The following TPSG1 variants were observed in gnomAD, a reference collection of about 807,000 sequenced individuals.
The protein encoded by TPSG1 is tryptase gamma 1.
Under a neutral mutation model 23.8 loss-of-function variants are expected in TPSG1, and 43 were observed. The ratio of observed to expected loss-of-function variants is 1.81; its 90% CI spans 1.42 to 2.33. TPSG1 has a LOEUF of 2.33. TPSG1 is among the 30% of genes most tolerant of loss of function. The pLI is 0.00. For missense variants in TPSG1, 623 were observed against 438.6 expected, an observed-to-expected ratio of 1.42 and a Z score of -3.75; for synonymous variants, 302 against 201.3, an observed-to-expected ratio of 1.50 and a Z score of -4.23.
chr16:1,224,524 A>C, intron 2 of TPSG1, 78 bp downstream of exon 2: 1 of 1,586,246 alleles, frequency 6.3e-7, no homozygotes, highest in Non-Finnish European at 8.6e-7. Flanking sequence ...GACCCCAGGG[A>C]AGGAGAGGGT....
At chr16:1,224,761 G>A (rs2030055963) in intron 1 of TPSG1, 133 bp from the exon 2 acceptor site, 1 of 1,088,474 alleles carries the variant, frequency 9.2e-7, no homozygotes, top group Non-Finnish European at 1.3e-6. Flanking sequence ...GCCCGGCCTG[G>A]TGAGGCTGGG....
chr16:1,224,951 G>A (rs1470454715), intron 1 of TPSG1, among the ~76,000 whole-genome samples: 9 of 134,828 alleles, frequency 6.7e-5, no homozygotes, highest in African/African-American at 1.1e-4. Flanking sequence ...ACTCCCACCC[G>A]CACCCCCAAC....
At position 1,222,484 on chromosome 16, in the gene TPSG1, G is replaced by T. The variant is rs868406923; in HGVS notation, c.512-143C>A. On this transcript the variant is annotated intron_variant, in intron 4 of 5. Transcript: ENST00000234798. ...GGTTGTGATCTGACGTTTGGCTGCT[G>T]CTTTGGATCCACACGACAGGCTTTG... The T allele has an allele frequency of 6.3e-6, 8 of 1,263,476 alleles. No individual in the cohort carries two copies. In the African/African-American group the frequency reaches 7.5e-5, roughly 12 times the overall value. The allele number at this position is 1,263,476 out of a possible 1,614,324, so 78.3% of individuals were successfully genotyped here. A position where few individuals can be genotyped will look rare whatever the true frequency, so the allele number is the denominator to read the frequency against.
At chr16:1,223,904 A>G in intron 2 of TPSG1, 1 of 413,580 alleles carries the variant, frequency 2.4e-6, no homozygotes, top group Non-Finnish European at 4.3e-6. Flanking sequence ...AGAACGGTGG[A>G]GCCCCCGAGA....
intron 2 of TPSG1, 27 bp from the exon 3 acceptor site, chr16:1,223,621 G>T (rs1644744905): frequency 6.5e-7 from 1 of 1,527,378 alleles, no homozygotes; most frequent in Non-Finnish European, 8.8e-7. Context: ...AGGGGTGCCT[G>T]GTGGGGATCC....
intron 1 of TPSG1, among the ~76,000 whole-genome samples, chr16:1,224,944 C>CCCACCCGCACCCCCAACTA: frequency 1.3e-5 from 2 of 151,398 alleles, no homozygotes; most frequent in African/African-American, 4.8e-5. Context: ...ACCCCCAACT[C>CCCACCCGCACCCCCAACTA]CCACCCGCAC....
intron 2 of TPSG1, chr16:1,223,976 G>A (rs549509607): frequency 3.9e-4 from 99 of 251,404 alleles, no homozygotes; most frequent in African/African-American, 2.1e-3. Context: ...GGGTGGTGGA[G>A]ATATTCGAAG....
chr16:1,222,038 G>A lies in TPSG1; in HGVS notation c.716C>T (p.Thr239Ile), dbSNP rs11248860. ...GCCGCAGCCCTCACCCCAGCTCACAGTGCCAGCCTGCACCCAGGCACCGTT... is the reference window on the plus strand; with the variant it reads ...GCCGCAGCCCTCACCCCAGCTCACAATGCCAGCCTGCACCCAGGCACCGTT... ...QVNGAWVQAG[T>I]VSWGEGCGRP... Residue 239 changes from threonine (T) to isoleucine (I), a missense_variant, in exon 6 of 6, where the codon ACT (threonine) becomes ATT (isoleucine). Physicochemically the swap from Thr to Ile is moderately conservative, Grantham distance 89. Coordinates refer to ENST00000234798, the MANE Select transcript of TPSG1 (RefSeq NM_012467.4). 1,241,922 of 1,612,582 alleles carry A rather than the reference G, an allele frequency of 0.77. 481,527 individuals carry two copies. Among genetic ancestry groups the A allele is most frequent in the East Asian group, 1 (44,799 of 44,848 alleles).
At position 1,222,655 on chromosome 16, in the gene TPSG1, C is replaced by G; in HGVS notation, c.508G>C (p.Gly170Arg). 1 of 1,547,144 alleles carries G rather than the reference C, an allele frequency of 6.5e-7. No individual in the cohort carries two copies. Among genetic ancestry groups the G allele is most frequent in the Non-Finnish European group, 8.8e-7 (1 of 1,141,480 alleles). ...CATCCCCACGGGGGCTCCTCACCTC[C>G]CTCCCGCGTATAGCCCCAGCCGGTC... is the stretch of plus-strand genomic sequence containing the variant. The part of the protein sequence containing the change: ...WVTGWGYTRE[G>R]EPLPPPYSLR... The change falls in exon 4 of 6, where the codon GGA becomes CGA. Residue 170 changes from glycine to arginine, a missense_variant. Transcript: ENST00000234798.
At position 1,222,683 on chromosome 16, in the gene TPSG1, C is replaced by T. The variant is rs774775922; in HGVS notation, c.480G>A (p.Trp160Ter). ...CCCGCGTATAGCCCCAGCCGGTCAC[C>T]CAGCACCGGATCCCAGGGCAGAAGT... The part of the protein sequence containing the change: ...SDDFCPGIRC[W>*]VTGWGYTREG... Residue 160 changes from tryptophan (W) to a stop codon, truncating the protein, a stop_gained, in exon 4 of 6, where the codon TGG becomes TGA. Transcript: ENST00000234798. LOFTEE classifies it high-confidence loss of function. 3.6e-5 allele frequency: 57 copies of T among 1,585,812 alleles called. No homozygotes were observed. The highest frequency in any genetic ancestry group is 5.4e-5 in the African/African-American group (4 of 74,482).
At chr16:1,222,542 G>A (rs1283702111) in intron 4 of TPSG1, 110 bp downstream of exon 4, 3 of 1,445,252 alleles carry the variant, frequency 2.1e-6, no homozygotes, top group Non-Finnish European at 2.8e-6. Context: ...GGCCTTGGCT[G>A]GGTGTGGAAG....
Position 1,224,589 on chromosome 16 carries a change from G to A in TPSG1, c.73+13C>T, listed in dbSNP as rs772053264. The A allele has an allele frequency of 6.2e-6, 10 of 1,613,828 alleles. No homozygotes were observed. Among genetic ancestry groups the A allele is most frequent in the Non-Finnish European group, 8.5e-6 (10 of 1,179,846 alleles). ...GCACCCTCCCCCACACCCCACACCT[G>A]TCAGAGACGTACCTGGCTGCAAAGT... On this transcript the variant is annotated intron_variant, in intron 2 of 5. Transcript: ENST00000234798.
In TPSG1 at chr16:1,221,954, C is replaced by A; in HGVS notation, c.800G>T (p.Arg267Leu). 2 of 1,611,774 alleles carry A rather than the reference C, an allele frequency of 1.2e-6. No individual in the cohort carries two copies. The highest frequency in any genetic ancestry group is 1.7e-6 in the Non-Finnish European group (2 of 1,179,282). ...TGAGCCCCCTGATGCTGTGATGTGG[C>A]GGCGGATCCAGTTCACGTAGGCAGG... ...RVPAYVNWIR[R>L]HITASGGSES... Residue 267 changes from arginine to leucine, a missense_variant, in exon 6 of 6, where the codon CGC (arginine) becomes CTC (leucine). By Grantham distance (102) the Arg-to-Leu change is moderately radical. Coordinates refer to ENST00000234798, the MANE Select transcript of TPSG1 (RefSeq NM_012467.4).
Position 1,223,549 on chromosome 16 carries a change from C to A in TPSG1, c.119G>T (p.Gly40Val). 1.3e-6 allele frequency: 2 copies of A among 1,547,360 alleles called. No homozygotes were observed. Among genetic ancestry groups the A allele is most frequent in the Non-Finnish European group, 1.7e-6 (2 of 1,148,498 alleles). ...TGCGCCGGCCGGGGCAGCGTGACCC[C>A]CCACGATCCGGCCGCCTGCATCCGA... ...QVSDAGGRIV[G>V]GHAAPAGAWP... The change falls in exon 3 of 6, where the codon GGG becomes GTG. Residue 40 changes from glycine (G) to valine (V), a missense_variant. Physicochemically the swap from Gly to Val is moderately radical, Grantham distance 109 (BLOSUM62 -3). Transcript: ENST00000234798.
intron 1 of TPSG1, 145 bp from the exon 2 acceptor site, chr16:1,224,773 C>A: frequency 1.1e-6 from 1 of 945,488 alleles, no homozygotes. Context: ...GAGGCTGGGT[C>A]AACTGCTGTC....
chr16:1,223,647 A>G, intron 2 of TPSG1, 53 bp from the exon 3 acceptor site: 1 of 1,512,220 alleles, frequency 6.6e-7, no homozygotes, highest in Non-Finnish European at 8.8e-7. Flanking sequence ...AACCCACTGC[A>G]CTTCCTCCAT....
intron 5 of TPSG1, 31 bp downstream of exon 5, chr16:1,222,165 C>G: frequency 1.2e-6 from 2 of 1,611,694 alleles, no homozygotes; most frequent in Non-Finnish European, 1.7e-6. Flanking sequence ...TTCAGCCGCC[C>G]CCATCCTCTG....
rs1239030236 is a variant in TPSG1 at position 1,221,959 on chromosome 16, G to A, written c.795C>T (p.Ile265=). The A allele has an allele frequency of 6.2e-7, 1 of 1,612,274 alleles. No homozygotes were observed. The highest frequency in any genetic ancestry group is 1.1e-5 in the South Asian group (1 of 91,054). The part of the protein sequence containing the change: ...YTRVPAYVNW[I]RRHITASGGS... ...CCCCTGATGCTGTGATGTGGCGGCG[G>A]ATCCAGTTCACGTAGGCAGGGACAC... The change falls in exon 6 of 6, where the codon ATC becomes ATT. Residue 265 remains isoleucine (I), a synonymous_variant. Transcript: ENST00000234798.
At chr16:1,222,523 G>A (rs1001347526) in intron 4 of TPSG1, 129 bp downstream of exon 4, 74 of 1,359,704 alleles carry the variant, frequency 5.4e-5, no homozygotes, top group Middle Eastern at 2.7e-4. Context: ...AGGGACAGCC[G>A]ATAGGGGCGG....
Sources: gnomAD v4.1 joint callset for allele counts (sites outside exome capture counted in the v4.1 genomes callset) on GRCh38, gnomAD v4.1.1 for gene constraint, MANE v1.5 for transcripts, NCBI Gene and HGNC (gene_info 2026-07-23, HGNC 2026-07-21) for gene names.